PTK7: variants seen among roughly 807,000 people sequenced by gnomAD.
PTK7 encodes protein tyrosine kinase 7 (inactive).
In PTK7, 39 loss-of-function variants were observed where a neutral mutation model predicts 116.6. The observed-to-expected ratio is 0.33, with a 90% confidence interval of 0.26 to 0.44. The LOEUF is 0.44. Ranked by LOEUF, PTK7 falls within the 20% of genes least tolerant of loss-of-function variation. PTK7 has a pLI of 1.00. For synonymous variants in PTK7, 546 were observed against 563.6 expected, an observed-to-expected ratio of 0.97 and a Z score of 0.44; for missense variants, 1,169 against 1,425.6, an observed-to-expected ratio of 0.82 and a Z score of 2.90.
At chr6:43,160,696 A>G (rs61021888) in intron 19 of PTK7, 25 bp from the exon 20 acceptor site, 252,976 of 1,611,898 alleles carry the variant, frequency 0.16, 24,082 homozygotes, top group African/African-American at 0.38. Flanking sequence ...TTTGGCCAAC[A>G]CTGCACCTGC....
chr6:43,082,003 A>T (rs2150368846), intron 1 of PTK7, among the ~76,000 whole-genome samples: 1 of 152,116 alleles, frequency 6.6e-6, no homozygotes, highest in South Asian at 2.1e-4. Flanking sequence ...GTGCGTGGGT[A>T]AGCACCGCTA....
Position 43,132,644 on chromosome 6 carries a change from C to G in PTK7, c.1185C>G (p.Asn395Lys). 6.3e-7 allele frequency: 1 copy of G among 1,583,484 alleles called. No homozygotes were observed. Among genetic ancestry groups the G allele is most frequent in the Non-Finnish European group, 8.6e-7 (1 of 1,165,038 alleles). ...GTGTCTACACCTGCCACGCGGCCAA[C>G]CTGGCTGGTCAGCGGAGACAGGATG... The part of the protein sequence containing the change: ...DAGVYTCHAA[N>K]LAGQRRQDVN... The change falls in exon 7 of 20, where the codon AAC becomes AAG. Residue 395 changes from asparagine to lysine, a missense_variant. Transcript: ENST00000230419.
chr6:43,119,578 A>G (rs552016261), intron 1 of PTK7, among the ~76,000 whole-genome samples: 1 of 152,138 alleles, frequency 6.6e-6, no homozygotes, highest in Non-Finnish European at 1.5e-5. Context: ...GCCCACAGCA[A>G]ATCTCTTCCC....
At chr6:43,088,674 A>T (rs1478088699) in intron 1 of PTK7, among the ~76,000 whole-genome samples, 1 of 151,932 alleles carries the variant, frequency 6.6e-6, no homozygotes, top group African/African-American at 2.4e-5. Context: ...CCTGGGTGAG[A>T]GTGAGACGCC....
At chr6:43,160,621 C>T in intron 19 of PTK7, 100 bp from the exon 20 acceptor site, 1 of 1,461,792 alleles carries the variant, frequency 6.8e-7, no homozygotes, top group East Asian at 2.3e-5. Context: ...GCCCCAGAGG[C>T]ATCCTTGGGT....
intron 1 of PTK7, among the ~76,000 whole-genome samples, chr6:43,089,319 A>G (rs1766822008): frequency 6.6e-6 from 1 of 152,216 alleles, no homozygotes; most frequent in Admixed American, 6.5e-5. Flanking sequence ...GCAAAGGGAC[A>G]ACTCTAGTGA....
At chr6:43,134,563 C>T (rs556962133) in intron 7 of PTK7, among the ~76,000 whole-genome samples, 35 of 151,894 alleles carry the variant, frequency 2.3e-4, no homozygotes, top group Non-Finnish European at 4.6e-4. Flanking sequence ...GGGTGGATCA[C>T]GAGGTCAGGA....
intron 1 of PTK7, among the ~76,000 whole-genome samples, chr6:43,116,651 T>TGTGTGTGTGTGCGCGC (rs1323606377): frequency 1.3e-5 from 1 of 77,212 alleles, no homozygotes; most frequent in African/African-American, 6.5e-5. Flanking sequence ...TGTGTGTGTG[T>TGTGTGTGTGTGCGCGC]GCGCGCGCAC....
chr6:43,101,775 A>G (rs986108057), intron 1 of PTK7, among the ~76,000 whole-genome samples: 23 of 152,170 alleles, frequency 1.5e-4, no homozygotes, highest in Non-Finnish European at 2.9e-4. Context: ...GTTGGTGTAA[A>G]AGTCTAATAT....
chr6:43,097,364 C>T (rs1767320730), intron 1 of PTK7, among the ~76,000 whole-genome samples: 2 of 152,162 alleles, frequency 1.3e-5, no homozygotes, highest in African/African-American at 4.8e-5. Context: ...ACAATGCCAC[C>T]ACAAATATCC....
intron 1 of PTK7, among the ~76,000 whole-genome samples, chr6:43,116,454 G>C (rs1768525807): frequency 6.6e-6 from 1 of 152,204 alleles, no homozygotes; most frequent in African/African-American, 2.4e-5. Context: ...CCCCACTCTT[G>C]TCTGCTCCGG....
In PTK7 at chr6:43,132,508, C is replaced by G. The variant is rs1769750065; in HGVS notation, c.1049C>G (p.Pro350Arg). The change falls in exon 7 of 20, where the codon CCA becomes CGA. Residue 350 changes from proline to arginine, a missense_variant. Physicochemically the swap from Pro to Arg is moderately radical, Grantham distance 103 (BLOSUM62 -2). Around this residue, in one of 3 missense-constraint regions of PTK7, gnomAD observed 487 missense variants for 549.8 expected, o/e 0.89. Coordinates refer to ENST00000230419, the MANE Select transcript of PTK7 (RefSeq NM_002821.5). Reference sequence around the variant, plus strand: ...ACCTGCCTTCCCCCCAAGGGTCTGCCAGAGCCCAGCGTGTGGTGGGAGCAC... The same window carrying G: ...ACCTGCCTTCCCCCCAAGGGTCTGCGAGAGCCCAGCGTGTGGTGGGAGCAC... ...RVTCLPPKGL[P>R]EPSVWWEHAG... 6 of 1,611,874 alleles carry G rather than the reference C, an allele frequency of 3.7e-6. No homozygotes were observed. The highest frequency in any genetic ancestry group is 5.1e-6 in the Non-Finnish European group (6 of 1,178,532).
chr6:43,085,482 C>T lies in PTK7; in HGVS notation c.79+8915C>T, dbSNP rs535319658. ...CAGGCTGGTCTTGAACTTCTGACCT[C>T]GTGATCCACCTGCCTCAGCCTCCCA... On this transcript the variant is annotated intron_variant, in intron 1 of 19. Coordinates refer to ENST00000230419, the MANE Select transcript of PTK7 (RefSeq NM_002821.5). 3.3e-5 allele frequency among the ~76,000 whole-genome samples: 5 copies of T among 151,890 alleles called. No homozygotes were observed. The South Asian group carries it at 6.2e-4, about 19-fold the overall frequency.
In PTK7 at chr6:43,142,091, C is replaced by T. The variant is rs1770450569; in HGVS notation, c.1919+10C>T. ...CCAAGCTGGGACCCAGGTAGGGCCA[C>T]CTCTCTCCCACACCCGTCCCTCCTC... On this transcript the variant is annotated intron_variant, in intron 12 of 19. Transcript: ENST00000230419. 6.2e-7 allele frequency: 1 copy of T among 1,612,874 alleles called. No homozygotes were observed. Among genetic ancestry groups the T allele is most frequent in the Non-Finnish European group, 8.5e-7 (1 of 1,179,428 alleles).
intron 1 of PTK7, among the ~76,000 whole-genome samples, chr6:43,092,903 A>T (rs1165289431): frequency 6.6e-6 from 1 of 152,152 alleles, no homozygotes; most frequent in African/African-American, 2.4e-5. Flanking sequence ...GATGGTTATA[A>T]CTGTAATTTA....
Position 43,129,941 on chromosome 6 carries a change from C to A in PTK7, c.470+112C>A, listed in dbSNP as rs1463144256. 1.8e-6 allele frequency: 2 copies of A among 1,089,434 alleles called. No individual in the cohort carries two copies. Among genetic ancestry groups the A allele is most frequent in the African/African-American group, 1.5e-5 (1 of 64,584 alleles). 67.5% of individuals were successfully genotyped at this position (1,089,434 alleles called of 1,614,324 possible). A position where few individuals can be genotyped will look rare whatever the true frequency, so the allele number is the denominator to read the frequency against. On this transcript the variant is annotated intron_variant, in intron 3 of 19. Transcript: ENST00000230419. The surrounding 1 kb of genome is among the most constrained non-coding windows in gnomAD (Gnocchi z 4.5). Reference sequence around the variant, plus strand: ...CGCTCCATTCTGTGACCACTCGTTCCACCACCACAGTGCTCTTCACCCTGC... The same window carrying A: ...CGCTCCATTCTGTGACCACTCGTTCAACCACCACAGTGCTCTTCACCCTGC...
In PTK7 at chr6:43,145,476, C is replaced by G; in HGVS notation, c.2640+44C>G. On this transcript the variant is annotated intron_variant, in intron 16 of 19. Coordinates refer to ENST00000230419, the MANE Select transcript of PTK7 (RefSeq NM_002821.5). This position sits in a 1 kb window ranked among gnomAD's most constrained non-coding sequence, Gnocchi z 4.8. ...ACGTGGGGGTCTCGGGTAGGGAGGG[C>G]AGTGTCCTACAAAGGTGGGAGTCAG... The G allele has an allele frequency of 1.4e-6, 2 of 1,447,722 alleles. No individual in the cohort carries two copies. The highest frequency in any genetic ancestry group is 9.3e-7 in the Non-Finnish European group (1 of 1,073,358). The allele number at this position is 1,447,722 out of a possible 1,614,324, so 89.7% of individuals were successfully genotyped here.
In PTK7 at chr6:43,129,083, T is replaced by C. The variant is rs376275487; in HGVS notation, c.186T>C (p.His62=). Residue 62 remains histidine, a synonymous_variant, in exon 2 of 20, where the codon CAT becomes CAC. Coordinates refer to ENST00000230419, the MANE Select transcript of PTK7 (RefSeq NM_002821.5). The surrounding 1 kb of genome is among the most constrained non-coding windows in gnomAD (Gnocchi z 4.5). ...AGGTTGAGGCTCCGGGCCCGGTACA[T>C]GTGTACTGGCTGCTCGATGGGGCCC... is the stretch of plus-strand genomic sequence containing the variant. ...RCEVEAPGPV[H]VYWLLDGAPV... 1.3e-5 allele frequency: 21 copies of C among 1,614,090 alleles called. No homozygotes were observed. In the African/African-American group the frequency reaches 2.0e-4, roughly 15 times the overall value.
intron 1 of PTK7, 130 bp from the exon 2 acceptor site, chr6:43,128,847 C>G (rs1291587107): frequency 2.3e-6 from 2 of 856,626 alleles, no homozygotes; most frequent in Admixed American, 6.0e-5. Flanking sequence ...GCATCATGAT[C>G]CTTCACACCT....
Sources: allele counts gnomAD v4.1 joint callset (sites outside exome capture counted in the v4.1 genomes callset), GRCh38; gene constraint gnomAD v4.1.1; regional missense constraint gnomAD v4.1.1; non-coding constraint Gnocchi (gnomAD v3.1); transcripts MANE v1.5; gene names NCBI Gene and HGNC (gene_info 2026-07-23, HGNC 2026-07-21).